The following MEI4 variants were observed in gnomAD, a reference collection of about 807,000 sequenced individuals.
MEI4 encodes meiosis-specific protein MEI4.
In MEI4, 27 loss-of-function variants were observed where a neutral mutation model predicts 31.4. That is an observed-to-expected ratio of 0.86 (90% CI 0.63 to 1.19). The LOEUF is 1.19. MEI4 is among the 50% of genes most tolerant of loss of function. The pLI, the probability that MEI4 is intolerant of heterozygous loss-of-function variation, is 0.00. For missense variants in MEI4, 329 were observed against 398.9 expected, an observed-to-expected ratio of 0.82 and a Z score of 1.49; for synonymous variants, 122 against 145.4, an observed-to-expected ratio of 0.84 and a Z score of 1.16.
chr6:77,679,809 C>G (rs1768918652), intron 1 of MEI4, among the ~76,000 whole-genome samples: 1 of 151,286 alleles, frequency 6.6e-6, no homozygotes, highest in South Asian at 2.1e-4. Flanking sequence ...GGTGTGATCT[C>G]GGCTCACTGC....
At chr6:77,866,876 T>C (rs1771046858) in intron 4 of MEI4, among the ~76,000 whole-genome samples, 1 of 152,118 alleles carries the variant, frequency 6.6e-6, no homozygotes, top group Non-Finnish European at 1.5e-5. Context: ...AAAACAGAGA[T>C]ATAGACCAAT....
At chr6:77,743,970 C>T (rs1313748326) in intron 2 of MEI4, among the ~76,000 whole-genome samples, 2 of 152,162 alleles carry the variant, frequency 1.3e-5, no homozygotes, top group African/African-American at 4.8e-5. Flanking sequence ...CCCATCTGTA[C>T]ATCACCATCA....
At position 77,831,467 on chromosome 6, in the gene MEI4, A is replaced by G. The variant is rs144929383; in HGVS notation, c.900+2405A>G. 4.6e-3 allele frequency among the ~76,000 whole-genome samples: 702 copies of G among 151,636 alleles called. 7 individuals carry two copies. Among genetic ancestry groups the G allele is most frequent in the South Asian group, 0.021 (102 of 4,824 alleles). On this transcript the variant is annotated intron_variant, in intron 4 of 4. Coordinates refer to ENST00000684080, the MANE Select transcript of MEI4 (RefSeq NM_001322247.2). The stretch of plus-strand genomic sequence containing the variant: ...TCACAGTAGCCGAGATATGAAATCA[A>G]CCTAAGTGTCCATCACTAAATGAAT...
At position 77,683,568 on chromosome 6, in the gene MEI4, C is replaced by T. The variant is rs9448140; in HGVS notation, c.-14-7090C>T. Among the ~76,000 whole-genome samples, 1,221 of 152,132 alleles carry T rather than the reference C, an allele frequency of 8.0e-3. 13 individuals carry two copies. Among genetic ancestry groups the T allele is most frequent in the African/African-American group, 0.027 (1,106 of 41,510 alleles). On this transcript the variant is annotated intron_variant, in intron 1 of 4. Transcript: ENST00000684080. ...AACATCTCCCCTTTTCTCTCTGGCC[C>T]CCACCCTTGGAAACCACCATTCTAT...
chr6:77,870,793 T>G (rs1771171945), intron 4 of MEI4, among the ~76,000 whole-genome samples: 1 of 152,180 alleles, frequency 6.6e-6, no homozygotes, highest in Non-Finnish European at 1.5e-5. Context: ...CAAAAGAAGC[T>G]TGTGTTTTGA....
At chr6:77,812,432 A>T (rs1769595844) in intron 3 of MEI4, among the ~76,000 whole-genome samples, 1 of 152,116 alleles carries the variant, frequency 6.6e-6, no homozygotes, top group African/African-American at 2.4e-5. Context: ...TGGTTTGAGG[A>T]AAAGGTTAGG....
chr6:77,868,376 T>C (rs562803631), intron 4 of MEI4, among the ~76,000 whole-genome samples: 1 of 150,884 alleles, frequency 6.6e-6, no homozygotes, highest in East Asian at 1.9e-4. Flanking sequence ...GTAGTTTTAA[T>C]GTCTCAAATT....
At chr6:77,659,518 G>T (rs979081174) in intron 1 of MEI4, among the ~76,000 whole-genome samples, 1 of 152,114 alleles carries the variant, frequency 6.6e-6, no homozygotes, top group Non-Finnish European at 1.5e-5. Context: ...AGAGGGGGAG[G>T]TTCGATTTTC....
chr6:77,747,860 C>T (rs1053572773), intron 2 of MEI4, among the ~76,000 whole-genome samples: 4 of 152,312 alleles, frequency 2.6e-5, no homozygotes, highest in South Asian at 4.1e-4. Context: ...TTAGTTACTT[C>T]CAAGATACAA....
intron 4 of MEI4, among the ~76,000 whole-genome samples, chr6:77,919,973 C>T (rs1327810481): frequency 1.4e-5 from 2 of 147,602 alleles, no homozygotes; most frequent in South Asian, 2.1e-4. Context: ...TCTGAATAGA[C>T]CAATAACAGG....
chr6:77,877,259 G>GA (rs2127727396), intron 4 of MEI4, among the ~76,000 whole-genome samples: 1 of 151,946 alleles, frequency 6.6e-6, no homozygotes, highest in African/African-American at 2.4e-5. Flanking sequence ...GTGTGTGTGG[G>GA]TATGTGTGAA....
chr6:77,783,078 A>AT (rs1768634505), intron 3 of MEI4, among the ~76,000 whole-genome samples: 1 of 152,134 alleles, frequency 6.6e-6, no homozygotes, highest in South Asian at 2.1e-4. Context: ...TCATGGTGAC[A>AT]TTTTTATCTG....
intron 4 of MEI4, among the ~76,000 whole-genome samples, chr6:77,914,838 T>C (rs1390262615): frequency 6.6e-6 from 1 of 152,158 alleles, no homozygotes; most frequent in Non-Finnish European, 1.5e-5. Flanking sequence ...CTTCACTTTT[T>C]TTTGACTTAA....
At chr6:77,742,896 G>A (rs1767456732) in intron 2 of MEI4, among the ~76,000 whole-genome samples, 1 of 152,044 alleles carries the variant, frequency 6.6e-6, no homozygotes, top group Non-Finnish European at 1.5e-5. Context: ...CCCATTGCTT[G>A]TTTTTCACAG....
chr6:77,874,020 G>C lies in MEI4; in HGVS notation c.900+44958G>C, dbSNP rs541201635. ...TTGGTTACTGTAGCCTTGTAGTATA[G>C]TTTGAAGTCAGGTAGCCTGATGCCT... On this transcript the variant is annotated intron_variant, in intron 4 of 4. Coordinates refer to ENST00000684080, the MANE Select transcript of MEI4 (RefSeq NM_001322247.2). Among the ~76,000 whole-genome samples the C allele has an allele frequency of 3.0e-3, 457 of 152,326 alleles. 4 individuals carry two copies. Among genetic ancestry groups the C allele is most frequent in the Middle Eastern group, 0.024 (7 of 294 alleles).
chr6:77,693,485 A>G (rs1288866057), intron 2 of MEI4, among the ~76,000 whole-genome samples: 2 of 152,054 alleles, frequency 1.3e-5, no homozygotes, highest in Non-Finnish European at 2.9e-5. Flanking sequence ...GCTTGTTTTT[A>G]TGCTGAACAC....
chr6:77,873,990 C>T (rs555964207), intron 4 of MEI4, among the ~76,000 whole-genome samples: 190 of 152,298 alleles, frequency 1.2e-3, no homozygotes, highest in Admixed American at 4.0e-3. Context: ...CAGTACCATG[C>T]TATTTTGGTT....
intron 2 of MEI4, among the ~76,000 whole-genome samples, chr6:77,694,159 T>A (rs1416307159): frequency 6.6e-6 from 1 of 152,120 alleles, no homozygotes; most frequent in Non-Finnish European, 1.5e-5. Flanking sequence ...TCATTCAATA[T>A]AATCATGTTA....
chr6:77,659,926 A>G (rs974516036), intron 1 of MEI4, among the ~76,000 whole-genome samples: 1 of 152,192 alleles, frequency 6.6e-6, no homozygotes, highest in African/African-American at 2.4e-5. Context: ...AGGTCCAAAT[A>G]TGGGGGGAGT....
Sources: allele counts gnomAD v4.1 joint callset (sites outside exome capture counted in the v4.1 genomes callset), GRCh38; gene constraint gnomAD v4.1.1; transcripts MANE v1.5; gene names NCBI Gene and HGNC (gene_info 2026-07-23, HGNC 2026-07-21).